The following CDH8 variants were observed in gnomAD, a reference collection of about 807,000 sequenced individuals.
CDH8 encodes the protein cadherin-8.
CDH8 carries 17 observed loss-of-function variants against 68.1 expected under a neutral mutation model. The ratio of observed to expected loss-of-function variants is 0.25; its 90% CI spans 0.17 to 0.37. CDH8 has a LOEUF of 0.37. Ranked by LOEUF, CDH8 falls within the 10% of genes least tolerant of loss-of-function variation. The pLI is 1.00. For missense variants in CDH8, 763 were observed against 999.3 expected, an observed-to-expected ratio of 0.76 and a Z score of 3.19; for synonymous variants, 372 against 365.1, an observed-to-expected ratio of 1.02 and a Z score of -0.21.
In CDH8 at chr16:61,647,747, A is replaced by G; in HGVS notation, c.*5861T>C. 1 of 695,312 alleles carries G rather than the reference A, an allele frequency of 1.4e-6. No individual in the cohort carries two copies. Among genetic ancestry groups the G allele is most frequent in the Non-Finnish European group, 2.6e-6 (1 of 381,018 alleles). 43.1% of individuals were successfully genotyped at this position (695,312 alleles called of 1,614,324 possible). On this transcript the variant is annotated 3_prime_UTR_variant, in exon 12 of 12. Coordinates refer to ENST00000577390, the MANE Select transcript of CDH8 (RefSeq NM_001796.5). ...TCTTTGCATGTACAGAAGAAATCCC[A>G]AGAAATTAACATTTGGCTTTGGTGA...
At chr16:61,692,018 G>C (rs549134968) in intron 10 of CDH8, 1 of 152,200 alleles carries the variant, frequency 6.6e-6, no homozygotes, top group African/African-American at 2.4e-5. Context: ...TAGCCTAAGG[G>C]TTGGGTACCC....
chr16:61,711,512 A>T (rs2142865653), intron 10 of CDH8: 1 of 151,836 alleles, frequency 6.6e-6, no homozygotes, highest in East Asian at 1.9e-4. Context: ...AAATATATAT[A>T]TATCCAACAT....
chr16:61,981,263 C>T (rs1965524015), intron 2 of CDH8, among the ~76,000 whole-genome samples: 1 of 152,114 alleles, frequency 6.6e-6, no homozygotes, highest in African/African-American at 2.4e-5. Context: ...GTACTGTGTC[C>T]ACTATTACTA....
intron 8 of CDH8, among the ~76,000 whole-genome samples, chr16:61,759,386 G>T (rs1960405337): frequency 6.6e-6 from 1 of 151,890 alleles, no homozygotes; most frequent in South Asian, 2.1e-4. Flanking sequence ...AGAAGAGGAA[G>T]AGGAAGAGAA....
At chr16:61,810,570 G>T (rs752257216) in intron 7 of CDH8, among the ~76,000 whole-genome samples, 6 of 151,964 alleles carry the variant, frequency 3.9e-5, no homozygotes, top group Non-Finnish European at 7.4e-5. Context: ...TTACTACAAG[G>T]TTCTCTACAG....
intron 4 of CDH8, among the ~76,000 whole-genome samples, chr16:61,849,009 G>A (rs1597016038): frequency 6.6e-6 from 1 of 152,102 alleles, no homozygotes; most frequent in South Asian, 2.1e-4. Flanking sequence ...TACTTTACTT[G>A]ATATAGGGAT....
At chr16:61,760,161 G>A (rs186113594) in intron 8 of CDH8, among the ~76,000 whole-genome samples, 1 of 152,156 alleles carries the variant, frequency 6.6e-6, no homozygotes, top group Non-Finnish European at 1.5e-5. Flanking sequence ...ATGAGAAATG[G>A]TCTGACCCTG....
intron 9 of CDH8, 97 bp from the exon 10 acceptor site, chr16:61,714,055 T>C (rs1233446119): frequency 2.6e-6 from 2 of 776,828 alleles, no homozygotes; most frequent in Non-Finnish European, 4.5e-6. Context: ...TCTGATACTT[T>C]GGCTCAGAGA....
chr16:61,833,054 T>C (rs1388283548), intron 4 of CDH8, among the ~76,000 whole-genome samples: 1 of 151,740 alleles, frequency 6.6e-6, no homozygotes, highest in Non-Finnish European at 1.5e-5. Context: ...CATGTGATCG[T>C]GGGCAGGTCA....
chr16:61,825,393 T>G (rs1962308573), intron 4 of CDH8, among the ~76,000 whole-genome samples: 2 of 151,916 alleles, frequency 1.3e-5, no homozygotes, highest in South Asian at 4.1e-4. Context: ...CAAAAATATA[T>G]TTTATAATGT....
At chr16:61,951,244 G>A (rs1295086786) in intron 2 of CDH8, among the ~76,000 whole-genome samples, 1 of 151,990 alleles carries the variant, frequency 6.6e-6, no homozygotes, top group Non-Finnish European at 1.5e-5. Flanking sequence ...GGGCATGGTG[G>A]CTCATGCCTG....
intron 3 of CDH8, among the ~76,000 whole-genome samples, chr16:61,896,792 C>A (rs933578154): frequency 6.6e-6 from 1 of 152,090 alleles, no homozygotes. Context: ...AAGCCATAAA[C>A]AACAACCAAT....
intron 7 of CDH8, among the ~76,000 whole-genome samples, chr16:61,801,490 G>C (rs561507011): frequency 1.3e-5 from 2 of 152,146 alleles, no homozygotes; most frequent in Non-Finnish European, 2.9e-5. Context: ...GAACAGCTCC[G>C]GTCTACAGCT....
intron 8 of CDH8, among the ~76,000 whole-genome samples, chr16:61,768,364 CTCT>C (rs1960672709): frequency 2.4e-4 from 25 of 104,502 alleles, no homozygotes; most frequent in South Asian, 1.0e-3. Flanking sequence ...CTCTCTCTCT[CTCT>C]CCCTTTCTCT....
chr16:62,022,873 A>G (rs1160143090), intron 1 of CDH8, among the ~76,000 whole-genome samples: 12 of 152,112 alleles, frequency 7.9e-5, no homozygotes, highest in East Asian at 3.9e-4. Flanking sequence ...CCTGCTTGTC[A>G]TTCTTTGCCT....
intron 3 of CDH8, among the ~76,000 whole-genome samples, chr16:61,888,904 G>A (rs1963725520): frequency 6.6e-6 from 1 of 152,110 alleles, no homozygotes; most frequent in Non-Finnish European, 1.5e-5. Context: ...ATAATTGATA[G>A]ACAATGATGA....
intron 2 of CDH8, among the ~76,000 whole-genome samples, chr16:61,954,712 AAAAAAG>A (rs1235287279): frequency 1.3e-5 from 2 of 151,774 alleles, no homozygotes; most frequent in African/African-American, 4.8e-5. Context: ...AAAAAAAAAA[AAAAAAG>A]AAAGAAAGAA....
intron 8 of CDH8, among the ~76,000 whole-genome samples, chr16:61,749,113 G>A (rs747037225): frequency 7.9e-5 from 12 of 151,946 alleles, no homozygotes; most frequent in Non-Finnish European, 1.8e-4. Flanking sequence ...ACAATAAAAC[G>A]TACACAGATT....
At chr16:61,789,576 G>T in intron 7 of CDH8, 94 bp from the exon 8 acceptor site, 2 of 1,192,150 alleles carry the variant, frequency 1.7e-6, no homozygotes, top group Non-Finnish European at 1.1e-6. Flanking sequence ...AGCCATATTT[G>T]TGAAATCAAA....
Sources: allele counts gnomAD v4.1 joint callset (sites outside exome capture counted in the v4.1 genomes callset), GRCh38; gene constraint gnomAD v4.1.1; transcripts MANE v1.5; gene names NCBI Gene and HGNC (gene_info 2026-07-23, HGNC 2026-07-21).